ITGA2: variants seen among roughly 807,000 people sequenced by gnomAD.
The protein encoded by ITGA2 is integrin subunit alpha 2, also known as integrin alpha-2.
Under a neutral mutation model 146.3 loss-of-function variants are expected in ITGA2, and 101 were observed. The observed-to-expected ratio is 0.69, with a 90% CI of 0.59 to 0.81. The LOEUF (loss-of-function observed/expected upper bound fraction) is 0.81. Ranked by LOEUF, ITGA2 falls within the 40% of genes least tolerant of loss-of-function variation. ITGA2 has a pLI of 0.00. For missense variants in ITGA2, 1,281 were observed against 1,402.7 expected, an observed-to-expected ratio of 0.91 and a Z score of 1.39; for synonymous variants, 477 against 487.1, an observed-to-expected ratio of 0.98 and a Z score of 0.27.
At chr5:53,070,339 T>G in intron 17 of ITGA2, 79 bp downstream of exon 17, 1 of 1,430,226 alleles carries the variant, frequency 7.0e-7, no homozygotes, top group South Asian at 1.2e-5. Context: ...AATGGAAGCT[T>G]ATGAGTTAGA....
At chr5:53,059,698 G>T (rs925603596) in intron 10 of ITGA2, among the ~76,000 whole-genome samples, 176 bp from the exon 11 acceptor site, 2 of 151,858 alleles carry the variant, frequency 1.3e-5, no homozygotes, top group African/African-American at 4.8e-5. Flanking sequence ...CAATGGGAAG[G>T]CTTGTTCTCT....
chr5:53,046,062 A>G (rs1347971647), intron 4 of ITGA2, among the ~76,000 whole-genome samples: 3 of 151,794 alleles, frequency 2.0e-5, no homozygotes, highest in African/African-American at 7.3e-5. Context: ...GTGGTGGCAC[A>G]CACCTGTAAT....
At chr5:53,004,898 T>G (rs397799128) in intron 1 of ITGA2, among the ~76,000 whole-genome samples, 1,965 of 16,776 alleles carry the variant, frequency 0.12, 21 homozygotes, top group Non-Finnish European at 0.25. Flanking sequence ...TGCTTTGTTT[T>G]TTTTTTTTTT....
chr5:53,016,495 C>A lies in ITGA2; in HGVS notation c.65-10253C>A, dbSNP rs562105883. Reference sequence around the variant, plus strand: ...GGTTCCCTTTATAGGTGACCTAGCCCTTCTTTCTGGCTGCCTTTAACATTT... The same window carrying A: ...GGTTCCCTTTATAGGTGACCTAGCCATTCTTTCTGGCTGCCTTTAACATTT... On this transcript the variant is annotated intron_variant, in intron 1 of 29. Transcript: ENST00000296585. 4.6e-5 allele frequency among the ~76,000 whole-genome samples: 7 copies of A among 152,210 alleles called. No homozygotes were observed. The East Asian group carries it at 1.4e-3, about 29-fold the overall frequency.
At chr5:53,004,589 T>C (rs2111711707) in intron 1 of ITGA2, among the ~76,000 whole-genome samples, 1 of 152,230 alleles carries the variant, frequency 6.6e-6, no homozygotes, top group Middle Eastern at 3.4e-3. Flanking sequence ...AAGCTCTTCT[T>C]TCCATTTCTA....
chr5:53,055,401 A>T, intron 7 of ITGA2, 137 bp from the exon 8 acceptor site: 1 of 745,936 alleles, frequency 1.3e-6, no homozygotes, highest in Admixed American at 2.3e-5. Flanking sequence ...AACATTAAAT[A>T]TGTCCTCAGA....
intron 1 of ITGA2, among the ~76,000 whole-genome samples, chr5:52,997,912 C>G (rs1237426638): frequency 2.0e-5 from 3 of 151,932 alleles, no homozygotes; most frequent in Admixed American, 2.0e-4. Flanking sequence ...AAAAACTTAG[C>G]CTTGGAAATT....
chr5:53,041,302 A>C (rs1743787880), intron 2 of ITGA2, among the ~76,000 whole-genome samples: 1 of 152,140 alleles, frequency 6.6e-6, no homozygotes, highest in South Asian at 2.1e-4. Context: ...TTCTGAAGGA[A>C]ATGAAACTAA....
chr5:53,056,113 G>C lies in ITGA2; in HGVS notation c.1060G>C (p.Ala354Pro). 1 of 1,612,028 alleles carries C rather than the reference G, an allele frequency of 6.2e-7. No homozygotes were observed. The highest frequency in any genetic ancestry group is 1.7e-4 in the Middle Eastern group (1 of 6,028). ...VSDEAALLEK[A>P]GTLGEQIFSI... ...TGATGAAGCAGCTCTACTAGAAAAG[G>C]CTGGGACATTAGGAGAACAAATTTT... The change falls in exon 9 of 30, where the codon GCT becomes CCT. Residue 354 changes from alanine to proline, a missense_variant. Ala to Pro is a conservative substitution (Grantham distance 27). This residue lies in a region of ITGA2 where 795 missense variants were observed against 841.7 expected (regional missense o/e 0.94). Transcript: ENST00000296585.
Position 53,070,541 on chromosome 5 carries a change from T to C in ITGA2, c.2235+281T>C, listed in dbSNP as rs535963927. 3.3e-5 allele frequency among the ~76,000 whole-genome samples: 5 copies of C among 152,084 alleles called. No individual in the cohort carries two copies. The East Asian group carries it at 9.7e-4, about 30-fold the overall frequency. On this transcript the variant is annotated intron_variant, in intron 17 of 29. Coordinates refer to ENST00000296585, the MANE Select transcript of ITGA2 (RefSeq NM_002203.4). ...CATAGATACAGTGTTTTCTTAAATG[T>C]TTAACAGAGAGAACTTTCCATTGGC... is the stretch of plus-strand genomic sequence containing the variant.
chr5:53,086,855 A>G (rs745541316), intron 27 of ITGA2, 97 bp from the exon 28 acceptor site: 116 of 1,000,088 alleles, frequency 1.2e-4, no homozygotes, highest in Non-Finnish European at 1.7e-4. Context: ...CTCTTGTCAC[A>G]TTCCACCAGG....
intron 23 of ITGA2, among the ~76,000 whole-genome samples, 182 bp from the exon 24 acceptor site, chr5:53,078,590 G>A (rs1239162070): frequency 2.0e-5 from 3 of 152,128 alleles, no homozygotes; most frequent in Non-Finnish European, 1.5e-5. Context: ...ATTTATGTTA[G>A]TCTTAGAAAC....
intron 1 of ITGA2, among the ~76,000 whole-genome samples, chr5:52,995,841 C>T (rs1240881793): frequency 6.6e-6 from 1 of 152,070 alleles, no homozygotes; most frequent in African/African-American, 2.4e-5. Flanking sequence ...GGCCATGGCT[C>T]AAGGAACTGC....
intron 28 of ITGA2, among the ~76,000 whole-genome samples, chr5:53,088,693 A>C (rs1440392832): frequency 2.0e-5 from 3 of 151,906 alleles, no homozygotes; most frequent in Admixed American, 1.3e-4. Context: ...CTCAAAAAAA[A>C]AAAAAAAAAA....
intron 13 of ITGA2, among the ~76,000 whole-genome samples, 173 bp from the exon 14 acceptor site, chr5:53,064,739 G>A (rs1231528163): frequency 6.6e-6 from 1 of 151,818 alleles, no homozygotes; most frequent in Admixed American, 6.6e-5. Flanking sequence ...TAGAGACAAG[G>A]TCTCACTATT....
Position 53,090,778 on chromosome 5 carries a change from A to AGG in ITGA2, c.*180_*181dup. On this transcript the variant is annotated 3_prime_UTR_variant, in exon 30 of 30. Transcript: ENST00000296585. ...ATGAAGAAATTGTGGGGGGTGGGGG[A>AGG]GGTGCGGGGGGCAGGTAGGGAAATA... The AGG allele has an allele frequency of 1.5e-5, 2 of 131,622 alleles. No homozygotes were observed. The highest frequency in any genetic ancestry group is 2.8e-5 in the Non-Finnish European group (2 of 71,612). 8.2% of individuals were successfully genotyped at this position (131,622 alleles called of 1,614,324 possible).
intron 1 of ITGA2, among the ~76,000 whole-genome samples, chr5:53,017,256 G>A (rs1742436567): frequency 6.6e-6 from 1 of 152,202 alleles, no homozygotes; most frequent in Non-Finnish European, 1.5e-5. Context: ...TTTTGGATGG[G>A]TTGTTTTTTG....
Position 53,053,897 on chromosome 5 carries a change from A to AC in ITGA2, c.780-1640dup, listed in dbSNP as rs1185483286. On this transcript the variant is annotated intron_variant, in intron 7 of 29. Transcript: ENST00000296585. ...ACAGTTGCAGTTTATTGTTTTAAGC[A>AC]CTGCGGGTAATTAAAACTAAATGAG... Among the ~76,000 whole-genome samples, 6 of 152,266 alleles carry AC rather than the reference A, an allele frequency of 3.9e-5. No individual in the cohort carries two copies. The East Asian group carries it at 1.2e-3, about 29-fold the overall frequency.
chr5:53,048,777 C>T lies in ITGA2; in HGVS notation c.630+7C>T. 6.2e-7 allele frequency: 1 copy of T among 1,613,656 alleles called. No homozygotes were observed. Among genetic ancestry groups the T allele is most frequent in the Admixed American group, 1.7e-5 (1 of 60,018 alleles). Reference sequence around the variant, plus strand: ...AGGCCCCACAAAGACACAGGTATGGCTAACAGAAATGCATAACTAACTTAT... The same window carrying T: ...AGGCCCCACAAAGACACAGGTATGGTTAACAGAAATGCATAACTAACTTAT... On this transcript the variant is annotated splice_region_variant and intron_variant, in intron 6 of 29. Coordinates refer to ENST00000296585, the MANE Select transcript of ITGA2 (RefSeq NM_002203.4).
Sources: gnomAD v4.1 joint callset for allele counts (sites outside exome capture counted in the v4.1 genomes callset) on GRCh38, gnomAD v4.1.1 for gene constraint, gnomAD v4.1.1 regional missense constraint, MANE v1.5 for transcripts, NCBI Gene and HGNC (gene_info 2026-07-23, HGNC 2026-07-21) for gene names.